DTX1: variants seen among roughly 807,000 people sequenced by gnomAD.
DTX1 encodes deltex E3 ubiquitin ligase 1, also known as E3 ubiquitin-protein ligase DTX1.
A neutral mutation model predicts 57.8 loss-of-function variants in DTX1; 26 were observed. The observed-to-expected ratio is 0.45, with a 90% confidence interval of 0.33 to 0.62. The LOEUF is 0.62. Ranked by LOEUF, DTX1 falls within the 20% of genes least tolerant of loss-of-function variation. DTX1 has a pLI of 0.02. For missense variants in DTX1, 704 were observed against 895.3 expected, an observed-to-expected ratio of 0.79 and a Z score of 2.73; for synonymous variants, 398 against 394.1, an observed-to-expected ratio of 1.01 and a Z score of -0.12.
chr12:113,079,258 A>G (rs537568769), intron 3 of DTX1, among the ~76,000 whole-genome samples: 1 of 152,294 alleles, frequency 6.6e-6, no homozygotes, highest in East Asian at 1.9e-4. Context: ...CCCAAGAGGA[A>G]GAGAGGGCAC....
intron 2 of DTX1, among the ~76,000 whole-genome samples, chr12:113,060,594 G>A (rs2044658133): frequency 6.6e-6 from 1 of 152,236 alleles, no homozygotes; most frequent in Non-Finnish European, 1.5e-5. Context: ...CCAAGGGGAA[G>A]ATGGTGCAAG....
rs1041693683 is a variant in DTX1 at position 113,093,213 on chromosome 12, G to A, written c.993G>A (p.Pro331=). ...TGAATGGTACTGGGCCGGTCCATCC[G>A]GCCCTGGCAGGTGAGGTCTGGCCCA... ...KNLNGTGPVH[P]ALAGMTGILL... Residue 331 remains proline (P), a synonymous_variant, in exon 4 of 10, where the codon CCG becomes CCA. Transcript: ENST00000548759. The surrounding 1 kb of genome is among the most constrained non-coding windows in gnomAD (Gnocchi z 4.2). 25 of 1,592,762 alleles carry A rather than the reference G, an allele frequency of 1.6e-5. No individual in the cohort carries two copies. Among genetic ancestry groups the A allele is most frequent in the Non-Finnish European group, 2.1e-5 (24 of 1,170,464 alleles).
chr12:113,081,989 T>C (rs1016041719), intron 3 of DTX1, among the ~76,000 whole-genome samples: 1 of 152,090 alleles, frequency 6.6e-6, no homozygotes, highest in Non-Finnish European at 1.5e-5. Flanking sequence ...TAGAGGGCTG[T>C]AGTGAAAAGG....
In DTX1 at chr12:113,057,983, C is replaced by G; in HGVS notation, c.-210C>G. On this transcript the variant is annotated 5_prime_UTR_variant, in exon 2 of 10. Coordinates refer to ENST00000548759, the MANE Select transcript of DTX1 (RefSeq NM_004416.3). ...GCAGCACCCTTTATCGGAGAAGGCT[C>G]TACAGGGAAGGGGTCTTTGCAGCCT... 6.9e-6 allele frequency: 5 copies of G among 726,892 alleles called. No homozygotes were observed. Among genetic ancestry groups the G allele is most frequent in the Admixed American group, 3.1e-5 (1 of 32,590 alleles). 45.0% of individuals were successfully genotyped at this position (726,892 alleles called of 1,614,324 possible). A position where few individuals can be genotyped will look rare whatever the true frequency, so the allele number is the denominator to read the frequency against.
At position 113,096,971 on chromosome 12, in the gene DTX1, T is replaced by A. The variant is rs1444937551; in HGVS notation, c.*32T>A. On this transcript the variant is annotated 3_prime_UTR_variant, in exon 10 of 10. Transcript: ENST00000548759. ...AGGCTGCCCACCTTCCCTCCTGCTT[T>A]GCCCCTGGTCCGGCAAATGCCTCCT... The A allele has an allele frequency of 4.4e-6, 7 of 1,584,256 alleles. No individual in the cohort carries two copies. The East Asian group carries it at 1.6e-4, about 36-fold the overall frequency.
rs557273652 is a variant in DTX1 at position 113,077,476 on chromosome 12, C to A, written c.312C>A (p.Gly104=). ...RNFYDPSSAP[G]KGIVWEWEND... is the part of the protein sequence containing the mutation. ...TCTACGACCCGTCGTCGGCGCCGGG[C>A]AAGGGCATCGTGTGGGAGTGGGAGA... Residue 104 remains glycine (G), a synonymous_variant, in exon 3 of 10, where the codon GGC becomes GGA. Transcript: ENST00000548759. This position sits in a 1 kb window ranked among gnomAD's most constrained non-coding sequence, Gnocchi z 7.8. 1 of 1,612,880 alleles carries A rather than the reference C, an allele frequency of 6.2e-7. No homozygotes were observed. Among genetic ancestry groups the A allele is most frequent in the South Asian group, 1.1e-5 (1 of 91,066 alleles).
In DTX1 at chr12:113,077,503, C is replaced by G. The variant is rs774594866; in HGVS notation, c.339C>G (p.Asn113Lys). Residue 113 changes from asparagine to lysine, a missense_variant, in exon 3 of 10, where the codon AAC (asparagine) becomes AAG (lysine). This residue lies in a region of DTX1 where 237 missense variants were observed against 328.6 expected (regional missense o/e 0.72). Coordinates refer to ENST00000548759, the MANE Select transcript of DTX1 (RefSeq NM_004416.3). The surrounding 1 kb of genome is among the most constrained non-coding windows in gnomAD (Gnocchi z 7.8). ...AGGGCATCGTGTGGGAGTGGGAGAA[C>G]GACGGCGGCGCATGGACGGCCTACG... The part of the protein sequence containing the change: ...PGKGIVWEWE[N>K]DGGAWTAYDM... The G allele has an allele frequency of 6.2e-7, 1 of 1,610,360 alleles. No individual in the cohort carries two copies. Among genetic ancestry groups the G allele is most frequent in the Non-Finnish European group, 8.5e-7 (1 of 1,179,792 alleles).
intron 2 of DTX1, among the ~76,000 whole-genome samples, chr12:113,062,480 T>C (rs2044672220): frequency 6.6e-6 from 1 of 152,206 alleles, no homozygotes; most frequent in African/African-American, 2.4e-5. Flanking sequence ...TAAAAGCCAT[T>C]CTTACTTCCT....
At chr12:113,065,300 G>T (rs1338346963) in intron 2 of DTX1, among the ~76,000 whole-genome samples, 1 of 152,234 alleles carries the variant, frequency 6.6e-6, no homozygotes, top group Non-Finnish European at 1.5e-5. Context: ...CTGAAGCTCA[G>T]AGGGTGGGGA....
Position 113,094,031 on chromosome 12 carries a change from C to T in DTX1, c.1166-7C>T. The T allele has an allele frequency of 6.4e-7, 1 of 1,572,288 alleles. No homozygotes were observed. The highest frequency in any genetic ancestry group is 8.6e-7 in the Non-Finnish European group (1 of 1,157,770). ...ACCCTCAAACCCACCCCGCTGTGTC[C>T]CTGCAGGTAAGAATCCCGAGGATGT... On this transcript the variant is annotated splice_region_variant and splice_polypyrimidine_tract_variant and intron_variant, in intron 5 of 9. Transcript: ENST00000548759.
intron 3 of DTX1, among the ~76,000 whole-genome samples, chr12:113,088,590 C>G (rs778250420): frequency 2.0e-5 from 3 of 152,164 alleles, no homozygotes; most frequent in Non-Finnish European, 4.4e-5. Context: ...CACATGTACC[C>G]TAGAACTTAA....
intron 2 of DTX1, among the ~76,000 whole-genome samples, chr12:113,075,975 C>G (rs895393873): frequency 2.0e-5 from 3 of 149,704 alleles, no homozygotes; most frequent in African/African-American, 7.4e-5. Flanking sequence ...GGGGGACAGA[C>G]AGAAACCAAG....
chr12:113,084,745 C>T (rs2044843342), intron 3 of DTX1, among the ~76,000 whole-genome samples: 2 of 152,304 alleles, frequency 1.3e-5, no homozygotes, highest in Middle Eastern at 6.8e-3. Context: ...TCTATAATCC[C>T]CATTTTTCAA....
At chr12:113,078,456 C>A (rs190949135) in intron 3 of DTX1, among the ~76,000 whole-genome samples, 2 of 152,222 alleles carry the variant, frequency 1.3e-5, no homozygotes, top group Admixed American at 1.3e-4. Flanking sequence ...TTGCTAAACC[C>A]GTTATATGTA....
intron 3 of DTX1, among the ~76,000 whole-genome samples, chr12:113,092,500 A>G (rs2136066689): frequency 6.6e-6 from 1 of 152,238 alleles, no homozygotes; most frequent in South Asian, 2.1e-4. Context: ...GAGGAGAGTC[A>G]GGATACCTTT....
In DTX1 at chr12:113,094,667, T is replaced by G. The variant is rs1950272842; in HGVS notation, c.1228-122T>G. 23 of 1,283,642 alleles carry G rather than the reference T, an allele frequency of 1.8e-5. 1 individual carries two copies. In the East Asian group the frequency reaches 5.6e-4, roughly 31 times the overall value. The allele number at this position is 1,283,642 out of a possible 1,614,324, so 79.5% of individuals were successfully genotyped here. A position where few individuals can be genotyped will look rare whatever the true frequency, so the allele number is the denominator to read the frequency against. ...GGCAGAGGGTGTGTCCTGTCTCCCT[T>G]TGCCAAATGGGTACCAGAGAGAGTG... On this transcript the variant is annotated intron_variant, in intron 6 of 9. Coordinates refer to ENST00000548759, the MANE Select transcript of DTX1 (RefSeq NM_004416.3).
Position 113,093,114 on chromosome 12 carries a change from G to A in DTX1, c.942-48G>A. The A allele has an allele frequency of 1.3e-6, 2 of 1,553,434 alleles. No individual in the cohort carries two copies. The highest frequency in any genetic ancestry group is 1.7e-6 in the Non-Finnish European group (2 of 1,146,972). On this transcript the variant is annotated intron_variant, in intron 3 of 9. Coordinates refer to ENST00000548759, the MANE Select transcript of DTX1 (RefSeq NM_004416.3). The surrounding 1 kb of genome is among the most constrained non-coding windows in gnomAD (Gnocchi z 4.2). ...AAGGCAAGCCAGGTCCCCTGACGTC[G>A]CTTCGGGGGCTGGAGTCCAGCTGCG...
intron 2 of DTX1, among the ~76,000 whole-genome samples, chr12:113,062,032 TACACAC>T (rs35422556): frequency 0.059 from 8,353 of 142,432 alleles, 573 homozygotes; most frequent in African/African-American, 0.16. Flanking sequence ...TTATATTTCA[TACACAC>T]ACACACACAC....
chr12:113,076,987 C>G (rs1226923258), intron 2 of DTX1, among the ~76,000 whole-genome samples: 1 of 152,092 alleles, frequency 6.6e-6, no homozygotes, highest in Non-Finnish European at 1.5e-5. Context: ...GTGATAACCC[C>G]CACTTCAGTG....
Sources: gnomAD v4.1 joint callset for allele counts (sites outside exome capture counted in the v4.1 genomes callset) on GRCh38, gnomAD v4.1.1 for gene constraint, gnomAD v4.1.1 regional missense constraint, Gnocchi (gnomAD v3.1) non-coding constraint, MANE v1.5 for transcripts, NCBI Gene and HGNC (gene_info 2026-07-23, HGNC 2026-07-21) for gene names.